Variants in GARNL3 observed in about 807,000 individuals in gnomAD.
GARNL3 encodes the protein GTPase-activating Rap/Ran-GAP domain-like protein 3.
Under a neutral mutation model 125.0 loss-of-function variants are expected in GARNL3, and 63 were observed. The observed-to-expected ratio is 0.50, with a 90% confidence interval of 0.41 to 0.62. The LOEUF is 0.62. GARNL3 is among the 20% of genes least tolerant of loss of function. The pLI, the probability that GARNL3 is intolerant of heterozygous loss-of-function variation, is 0.00. For synonymous variants in GARNL3, 439 were observed against 457.5 expected (o/e 0.96, Z 0.52); for missense variants, 994 against 1,244.0 (o/e 0.80, Z 3.02).
At chr9:127,277,027 G>A (rs2063974720) in intron 1 of GARNL3, among the ~76,000 whole-genome samples, 1 of 152,200 alleles carries the variant, frequency 6.6e-6, no homozygotes, top group African/African-American at 2.4e-5. Context: ...TCCACAATAG[G>A]TTATATTTAC....
intron 1 of GARNL3, among the ~76,000 whole-genome samples, chr9:127,286,812 G>T (rs1184451439): frequency 6.6e-6 from 1 of 152,094 alleles, no homozygotes; most frequent in Non-Finnish European, 1.5e-5. Flanking sequence ...CTTATCATAG[G>T]ATCAATGATT....
At chr9:127,314,498 C>T (rs1001875697) in intron 4 of GARNL3, among the ~76,000 whole-genome samples, 6 of 152,158 alleles carry the variant, frequency 3.9e-5, no homozygotes, top group Admixed American at 2.0e-4. Flanking sequence ...GCATCCACCT[C>T]TTGGCTGGCC....
At position 127,354,370 on chromosome 9, in the gene GARNL3, C is replaced by T; in HGVS notation, c.1719C>T (p.Ser573=). 1 of 1,613,276 alleles carries T rather than the reference C, an allele frequency of 6.2e-7. No homozygotes were observed. Among genetic ancestry groups the T allele is most frequent in the Non-Finnish European group, 8.5e-7 (1 of 1,179,452 alleles). The change falls in exon 19 of 28, where the codon AGC becomes AGT. Residue 573 remains serine (S), a synonymous_variant. Coordinates refer to ENST00000373387, the MANE Select transcript of GARNL3 (RefSeq NM_032293.5). ...TTGAGGGGAAGCAGGCTGGGAAGAGCAGGTCTGACTGCAGAGAAAACAAGT... is the reference window on the plus strand; with the variant it reads ...TTGAGGGGAAGCAGGCTGGGAAGAGTAGGTCTGACTGCAGAGAAAACAAGT... ...KGLEGKQAGK[S]RSDCRENKLE...
At chr9:127,236,399 A>G (rs1163302348) in intron 1 of GARNL3, among the ~76,000 whole-genome samples, 1 of 152,250 alleles carries the variant, frequency 6.6e-6, no homozygotes, top group Admixed American at 6.5e-5. Flanking sequence ...TGATAGCACA[A>G]TCACACTCCA....
chr9:127,238,325 C>T (rs974014857), intron 1 of GARNL3, among the ~76,000 whole-genome samples: 3 of 152,114 alleles, frequency 2.0e-5, no homozygotes, highest in Admixed American at 1.3e-4. Flanking sequence ...GGAGCCCAGT[C>T]GAGCTCCCAG....
At chr9:127,356,927 G>A (rs981678317) in intron 20 of GARNL3, among the ~76,000 whole-genome samples, 3 of 152,234 alleles carry the variant, frequency 2.0e-5, no homozygotes, top group Non-Finnish European at 4.4e-5. Flanking sequence ...AGGACCAGAC[G>A]ACATAAGGGA....
intron 7 of GARNL3, among the ~76,000 whole-genome samples, chr9:127,328,001 C>A (rs1403675833): frequency 1.3e-5 from 2 of 152,188 alleles, no homozygotes; most frequent in Non-Finnish European, 2.9e-5. Context: ...CCACTGAGTG[C>A]ATGCACATGC....
At chr9:127,291,982 T>C (rs1228273131) in intron 2 of GARNL3, among the ~76,000 whole-genome samples, 1 of 152,144 alleles carries the variant, frequency 6.6e-6, no homozygotes, top group Non-Finnish European at 1.5e-5. Flanking sequence ...GCTATGTTTG[T>C]GAAACTCCTA....
intron 1 of GARNL3, among the ~76,000 whole-genome samples, chr9:127,272,537 T>A (rs996947332): frequency 6.6e-6 from 1 of 151,740 alleles, no homozygotes; most frequent in Non-Finnish European, 1.5e-5. Context: ...CCCAGGCTGG[T>A]GGCTCGATCT....
At chr9:127,264,678 A>G (rs184669438), upstream of GARNL3, 1,208 of 1,202,676 alleles carry the variant, frequency 1.0e-3, 1 homozygote, top group Admixed American at 2.0e-3. Flanking sequence ...GGAAATTTCA[A>G]TCGATTCCAA....
At chr9:127,302,426 T>A (rs1328295972) in intron 2 of GARNL3, among the ~76,000 whole-genome samples, 3 of 152,154 alleles carry the variant, frequency 2.0e-5, no homozygotes, top group Non-Finnish European at 4.4e-5. Flanking sequence ...AGTAGAGGAA[T>A]TATCATGTAA....
At chr9:127,355,667 G>C (rs1474493444) in intron 20 of GARNL3, among the ~76,000 whole-genome samples, 195 bp downstream of exon 20, 1 of 152,146 alleles carries the variant, frequency 6.6e-6, no homozygotes, top group Non-Finnish European at 1.5e-5. Context: ...GAACATCTAC[G>C]GGTGCTGTTC....
upstream of GARNL3, among the ~76,000 whole-genome samples, chr9:127,263,382 G>A (rs946840293): frequency 2.0e-5 from 3 of 152,138 alleles, no homozygotes; most frequent in Admixed American, 1.3e-4. Context: ...AATTGAAGCG[G>A]CGGGTTGAGC....
chr9:127,320,406 T>G (rs2131510428), intron 5 of GARNL3, among the ~76,000 whole-genome samples: 1 of 152,332 alleles, frequency 6.6e-6, no homozygotes, highest in African/African-American at 2.4e-5. Flanking sequence ...GCATAGAAAT[T>G]TCAGTTAAAT....
chr9:127,372,390 A>G (rs1831657388), intron 22 of GARNL3, among the ~76,000 whole-genome samples: 1 of 152,178 alleles, frequency 6.6e-6, no homozygotes, highest in African/African-American at 2.4e-5. Flanking sequence ...CCTGTAGGAG[A>G]TAATGATAAT....
intron 22 of GARNL3, chr9:127,366,968 C>T (rs1256982017): frequency 6.6e-6 from 1 of 152,214 alleles, no homozygotes; most frequent in Non-Finnish European, 1.5e-5. Flanking sequence ...TCCACTACAT[C>T]AGAAGTATCT....
chr9:127,283,799 TTTG>T (rs565876774), intron 1 of GARNL3, among the ~76,000 whole-genome samples: 4 of 152,120 alleles, frequency 2.6e-5, no homozygotes, highest in African/African-American at 9.7e-5. Context: ...CTTAAGTCGT[TTTG>T]TTGTTGTTGT....
intron 2 of GARNL3, 56 bp from the exon 3 acceptor site, chr9:127,311,580 G>C (rs908568076): frequency 2.5e-6 from 3 of 1,213,544 alleles, no homozygotes; most frequent in Non-Finnish European, 3.7e-6. Flanking sequence ...TCATTGCCAG[G>C]TTCATGTTTA....
At chr9:127,243,315 A>C in intron 2 of GARNL3, 3 of 1,257,410 alleles carry the variant, frequency 2.4e-6, no homozygotes, top group Non-Finnish European at 2.2e-6. Flanking sequence ...AAATCCCTTA[A>C]TGTTTAGGAA....
Sources: gnomAD v4.1 joint callset for allele counts (sites outside exome capture counted in the v4.1 genomes callset) on GRCh38, gnomAD v4.1.1 for gene constraint, MANE v1.5 for transcripts, NCBI Gene and HGNC (gene_info 2026-07-23, HGNC 2026-07-21) for gene names.